ZNRF3: variants seen among roughly 807,000 people sequenced by gnomAD.
ZNRF3 encodes the protein zinc and ring finger 3, also known as E3 ubiquitin-protein ligase ZNRF3.
A neutral mutation model predicts 72.5 loss-of-function variants in ZNRF3; 23 were observed. That is an observed-to-expected ratio of 0.32 (90% CI 0.23 to 0.45). The LOEUF is 0.45. ZNRF3 is among the 20% of genes least tolerant of loss of function. The pLI, the probability that ZNRF3 is intolerant of heterozygous loss-of-function variation, is 1.00. For missense variants in ZNRF3, 1,169 were observed against 1,272.1 expected (o/e 0.92, Z 1.23); for synonymous variants, 610 against 545.3 (o/e 1.12, Z -1.65).
At chr22:28,974,318 A>G (rs552912808) in intron 1 of ZNRF3, among the ~76,000 whole-genome samples, 1 of 152,218 alleles carries the variant, frequency 6.6e-6, no homozygotes, top group East Asian at 1.9e-4. Flanking sequence ...TGTTACTTTT[A>G]AACCGTGTTA....
chr22:28,903,527 T>A (rs2034148787), intron 1 of ZNRF3, among the ~76,000 whole-genome samples: 1 of 152,146 alleles, frequency 6.6e-6, no homozygotes. Context: ...ACACATTGAC[T>A]TTTTCTAAAA....
chr22:28,885,725 C>T (rs1404677254), intron 1 of ZNRF3, among the ~76,000 whole-genome samples: 1 of 151,870 alleles, frequency 6.6e-6, no homozygotes, highest in Non-Finnish European at 1.5e-5. Context: ...GTCTGGTGAG[C>T]GAGCTATCCA....
chr22:29,050,587 C>T lies in ZNRF3; in HGVS notation c.2406C>T (p.Tyr802=). Residue 802 remains tyrosine (Y), a synonymous_variant, in exon 8 of 9, where the codon TAC becomes TAT. Transcript: ENST00000544604. The part of the protein sequence containing the change: ...GGGSGCYTED[Y]SVSVQYTLTE... Reference sequence around the variant, plus strand: ...GCAGCGGCTGCTACACTGAGGACTACTCGGTGAGTGTGCAGTACACGCTCA... The same window carrying T: ...GCAGCGGCTGCTACACTGAGGACTATTCGGTGAGTGTGCAGTACACGCTCA... The T allele has an allele frequency of 1.2e-6, 2 of 1,608,316 alleles. No homozygotes were observed. The highest frequency in any genetic ancestry group is 1.7e-6 in the Non-Finnish European group (2 of 1,177,750).
Position 28,883,626 on chromosome 22 carries a change from C to T in ZNRF3, c.-141C>T. 1.2e-6 allele frequency: 1 copy of T among 842,796 alleles called. No homozygotes were observed. The highest frequency in any genetic ancestry group is 1.8e-5 in the African/African-American group (1 of 54,544). The allele number at this position is 842,796 out of a possible 1,614,324, so 52.2% of individuals were successfully genotyped here. A position where few individuals can be genotyped will look rare whatever the true frequency, so the allele number is the denominator to read the frequency against. On this transcript the variant is annotated 5_prime_UTR_variant, in exon 1 of 9. Transcript: ENST00000544604. This position sits in a 1 kb window ranked among gnomAD's most constrained non-coding sequence, Gnocchi z 5.5. ...GGCCGCGGCGCGACGGCCGGGGGAG[C>T]CGAGCTGAGCCTGCGACCCACAAAG...
intron 1 of ZNRF3, among the ~76,000 whole-genome samples, chr22:28,960,250 GT>G (rs1259976198): frequency 6.6e-6 from 1 of 152,090 alleles, no homozygotes; most frequent in Admixed American, 6.5e-5. Flanking sequence ...TTTCGTTTAT[GT>G]TTTTTTCTTT....
intron 8 of ZNRF3, among the ~76,000 whole-genome samples, chr22:29,051,962 C>T (rs993664705): frequency 1.3e-5 from 2 of 151,974 alleles, no homozygotes; most frequent in Admixed American, 6.5e-5. Context: ...CTTCTCAACC[C>T]GCCTGTGAAG....
chr22:28,891,794 C>T (rs369850021), intron 1 of ZNRF3, among the ~76,000 whole-genome samples: 1 of 152,234 alleles, frequency 6.6e-6, no homozygotes, highest in East Asian at 1.9e-4. Context: ...CCCCTATCCT[C>T]ACAAAGATGT....
chr22:29,046,631 C>G (rs1045173920), intron 5 of ZNRF3, 85 bp from the exon 6 acceptor site: 8 of 1,362,780 alleles, frequency 5.9e-6, no homozygotes, highest in Non-Finnish European at 6.8e-6. Context: ...TCTGCCTGTC[C>G]CAGTGAATCG....
At chr22:29,014,247 G>A (rs910746307) in intron 2 of ZNRF3, among the ~76,000 whole-genome samples, 1 of 152,070 alleles carries the variant, frequency 6.6e-6, no homozygotes, top group Non-Finnish European at 1.5e-5. Flanking sequence ...TGGTTTTATT[G>A]CTTTGGGGTC....
intron 1 of ZNRF3, among the ~76,000 whole-genome samples, chr22:28,923,963 T>A (rs1392558058): frequency 6.6e-6 from 1 of 152,210 alleles, no homozygotes; most frequent in Non-Finnish European, 1.5e-5. Context: ...TGATCTCGGA[T>A]CCCGCGTGGG....
rs976968811 is a variant in ZNRF3 at position 29,054,995 on chromosome 22, A to G, written c.*1373A>G. The G allele has an allele frequency of 6.6e-6, 1 of 152,624 alleles. No individual in the cohort carries two copies. Among genetic ancestry groups the G allele is most frequent in the African/African-American group, 2.4e-5 (1 of 41,412 alleles). The allele number at this position is 152,624 out of a possible 1,614,324, so 9.5% of individuals were successfully genotyped here. A position where few individuals can be genotyped will look rare whatever the true frequency, so the allele number is the denominator to read the frequency against. ...CTCCATGAGACAGAGAGAGAGAGAG[A>G]CTATCAGATAGTTTACACCCAAAGG... On this transcript the variant is annotated 3_prime_UTR_variant, in exon 9 of 9. Transcript: ENST00000544604.
intron 1 of ZNRF3, among the ~76,000 whole-genome samples, chr22:28,977,316 A>C (rs1299405975): frequency 2.0e-5 from 3 of 152,182 alleles, no homozygotes; most frequent in African/African-American, 7.2e-5. Context: ...CATTGCTATG[A>C]CAACAGGGAG....
chr22:29,017,321 A>G (rs1294859268), intron 2 of ZNRF3, among the ~76,000 whole-genome samples: 2 of 152,156 alleles, frequency 1.3e-5, no homozygotes, highest in African/African-American at 2.4e-5. Flanking sequence ...GCAGGTGTAC[A>G]CTGTCCAGTC....
chr22:28,977,110 C>T (rs1486341129), intron 1 of ZNRF3, among the ~76,000 whole-genome samples: 1 of 152,218 alleles, frequency 6.6e-6, no homozygotes, highest in East Asian at 1.9e-4. Flanking sequence ...GGTATAGAGG[C>T]TCTTTTTGGT....
intron 2 of ZNRF3, among the ~76,000 whole-genome samples, chr22:29,019,824 G>T (rs928262992): frequency 6.6e-6 from 1 of 152,140 alleles, no homozygotes; most frequent in Non-Finnish European, 1.5e-5. Flanking sequence ...TGTCTTGCCC[G>T]AGGATATCAG....
intron 1 of ZNRF3, among the ~76,000 whole-genome samples, chr22:28,975,448 G>A (rs1253676821): frequency 6.9e-6 from 1 of 144,188 alleles, no homozygotes; most frequent in Non-Finnish European, 1.5e-5. Flanking sequence ...GTTGTAGTGA[G>A]CCGAGATCGA....
chr22:28,904,912 T>C (rs1372235362), intron 1 of ZNRF3, among the ~76,000 whole-genome samples: 1 of 151,756 alleles, frequency 6.6e-6, no homozygotes, highest in Non-Finnish European at 1.5e-5. Flanking sequence ...CAGACTATCA[T>C]GCAGACCTGG....
intron 2 of ZNRF3, among the ~76,000 whole-genome samples, chr22:29,021,130 A>C (rs1376862103): frequency 6.6e-6 from 1 of 151,966 alleles, no homozygotes; most frequent in African/African-American, 2.4e-5. Flanking sequence ...GCTACTCAGA[A>C]GGCTGAGGGA....
At chr22:28,890,762 C>CT (rs2033870539) in intron 1 of ZNRF3, among the ~76,000 whole-genome samples, 1 of 148,376 alleles carries the variant, frequency 6.7e-6, no homozygotes, top group Non-Finnish European at 1.5e-5. Flanking sequence ...TTCTCTCTCT[C>CT]TCTCTTTTTT....
Sources: allele counts gnomAD v4.1 joint callset (sites outside exome capture counted in the v4.1 genomes callset), GRCh38; gene constraint gnomAD v4.1.1; non-coding constraint Gnocchi (gnomAD v3.1); transcripts MANE v1.5; gene names NCBI Gene and HGNC (gene_info 2026-07-23, HGNC 2026-07-21).